Variants in CYP3A4 observed in about 807,000 individuals in gnomAD.
CYP3A4 encodes the protein cytochrome P450 3A4.
CYP3A4 carries 41 observed loss-of-function variants against 54.9 expected under a neutral mutation model. The observed-to-expected ratio is 0.75, with a 90% CI of 0.58 to 0.97. CYP3A4 has a LOEUF of 0.97. Ranked by LOEUF, CYP3A4 falls within the 50% of genes least tolerant of loss-of-function variation. The pLI, the probability that CYP3A4 is intolerant of heterozygous loss-of-function variation, is 0.00. For synonymous variants in CYP3A4, 179 were observed against 205.2 expected, an observed-to-expected ratio of 0.87 and a Z score of 1.09; for missense variants, 510 against 597.3, an observed-to-expected ratio of 0.85 and a Z score of 1.52.
chr7:99,777,939 G>C (rs112161700), intron 3 of CYP3A4, 89 bp downstream of exon 3: 1 of 992,852 alleles, frequency 1.0e-6, no homozygotes, highest in Non-Finnish European at 1.6e-6. Context: ...TTCATCCCAA[G>C]AGGCTTTGGG....
chr7:99,770,963 A>T (rs1010342227), intron 4 of CYP3A4, among the ~76,000 whole-genome samples: 8 of 152,162 alleles, frequency 5.3e-5, no homozygotes, highest in Non-Finnish European at 8.8e-5. Context: ...TAGGGAGAGA[A>T]AATTCCTCAA....
intron 1 of CYP3A4, among the ~76,000 whole-genome samples, chr7:99,781,028 T>C (rs1584551137): frequency 6.6e-6 from 1 of 152,166 alleles, no homozygotes; most frequent in African/African-American, 2.4e-5. Flanking sequence ...TGGGGCCTGG[T>C]AGGAGATGAT....
intron 3 of CYP3A4, among the ~76,000 whole-genome samples, chr7:99,773,401 C>T (rs1271161048): frequency 6.6e-6 from 1 of 152,198 alleles, no homozygotes; most frequent in Non-Finnish European, 1.5e-5. Context: ...ACATTCTTCT[C>T]AGCACCACAT....
At chr7:99,768,026 C>T (rs1047590343) in intron 7 of CYP3A4, among the ~76,000 whole-genome samples, 2 of 152,076 alleles carry the variant, frequency 1.3e-5, no homozygotes, top group African/African-American at 4.8e-5. Flanking sequence ...AATTCATGAA[C>T]TAGAGAATAA....
intron 3 of CYP3A4, among the ~76,000 whole-genome samples, chr7:99,774,013 C>T (rs923363617): frequency 1.3e-5 from 2 of 152,100 alleles, no homozygotes; most frequent in African/African-American, 4.8e-5. Context: ...AAAAGGATAT[C>T]ACCACTGATC....
At position 99,778,148 on chromosome 7, in the gene CYP3A4, A is replaced by T. The variant is rs2151565678; in HGVS notation, c.166-68T>A. 4 of 1,309,500 alleles carry T rather than the reference A, an allele frequency of 3.1e-6. No individual in the cohort carries two copies. In the South Asian group the frequency reaches 3.8e-5, roughly 12 times the overall value. 81.1% of individuals were successfully genotyped at this position (1,309,500 alleles called of 1,614,324 possible). A position where few individuals can be genotyped will look rare whatever the true frequency, so the allele number is the denominator to read the frequency against. ...GTACTTAACCCTGCCTCTAATTGGG[A>T]TGAAAACAGTCGAAGCCAATGAAAT... is the stretch of plus-strand genomic sequence containing the variant. On this transcript the variant is annotated intron_variant, in intron 2 of 12. Coordinates refer to ENST00000651514, the MANE Select transcript of CYP3A4 (RefSeq NM_017460.6).
chr7:99,782,411 G>A (rs1286154784), intron 1 of CYP3A4, among the ~76,000 whole-genome samples: 4 of 152,070 alleles, frequency 2.6e-5, no homozygotes, highest in Non-Finnish European at 4.4e-5. Flanking sequence ...TAATTGTGTT[G>A]GCCTAAGGAG....
chr7:99,762,283 C>T lies in CYP3A4; in HGVS notation c.1027-16G>A. On this transcript the variant is annotated splice_polypyrimidine_tract_variant and intron_variant, in intron 10 of 12. Transcript: ENST00000651514. ...TGGGTGGTGCCTGGAAAGAACGAAA[C>T]AGATTTGGATAAATTGAGATTTTGA... is the stretch of plus-strand genomic sequence containing the variant. 6.2e-7 allele frequency: 1 copy of T among 1,613,272 alleles called. No individual in the cohort carries two copies. The highest frequency in any genetic ancestry group is 8.5e-7 in the Non-Finnish European group (1 of 1,179,532).
At chr7:99,772,825 G>A in intron 3 of CYP3A4, 136 bp from the exon 4 acceptor site, 1 of 871,828 alleles carries the variant, frequency 1.1e-6, no homozygotes, top group South Asian at 1.8e-5. Flanking sequence ...TTAGGTTCTA[G>A]TTCATTAGGT....
intron 12 of CYP3A4, among the ~76,000 whole-genome samples, chr7:99,759,478 C>T (rs1399575344): frequency 1.3e-5 from 2 of 152,162 alleles, no homozygotes; most frequent in African/African-American, 4.8e-5. Context: ...TAAAGGTTCA[C>T]ATTAAATAGC....
At chr7:99,770,653 T>G (rs1815609114) in intron 4 of CYP3A4, among the ~76,000 whole-genome samples, 1 of 152,166 alleles carries the variant, frequency 6.6e-6, no homozygotes, top group Non-Finnish European at 1.5e-5. Flanking sequence ...GCTGTCTTTA[T>G]GTTCTCCTGC....
chr7:99,773,796 C>G (rs1308912569), intron 3 of CYP3A4, among the ~76,000 whole-genome samples: 1 of 151,974 alleles, frequency 6.6e-6, no homozygotes, highest in African/African-American at 2.4e-5. Flanking sequence ...ACTAGAGAAG[C>G]AAGAGTAAAC....
chr7:99,781,241 A>T (rs1815917206), intron 1 of CYP3A4, among the ~76,000 whole-genome samples: 1 of 152,156 alleles, frequency 6.6e-6, no homozygotes, highest in African/African-American at 2.4e-5. Context: ...AGACCTCCCT[A>T]GAGGAAGAAG....
In CYP3A4 at chr7:99,761,059, A is replaced by C. The variant is rs542714708; in HGVS notation, c.1254-78T>G. 39 of 1,507,764 alleles carry C rather than the reference A, an allele frequency of 2.6e-5. No individual in the cohort carries two copies. In the African/African-American group the frequency reaches 4.6e-4, roughly 18 times the overall value. The allele number at this position is 1,507,764 out of a possible 1,614,324, so 93.4% of individuals were successfully genotyped here. The stretch of plus-strand genomic sequence containing the variant: ...AGTTACATGTTAGGGTTTCTTACTT[A>C]GGGGCCACCCCTCAACTAGTAGTAC... On this transcript the variant is annotated intron_variant, in intron 11 of 12. Coordinates refer to ENST00000651514, the MANE Select transcript of CYP3A4 (RefSeq NM_017460.6).
At chr7:99,780,565 G>T (rs1452433603) in intron 1 of CYP3A4, among the ~76,000 whole-genome samples, 1 of 152,162 alleles carries the variant, frequency 6.6e-6, no homozygotes, top group East Asian at 1.9e-4. Flanking sequence ...AGCCTATGGT[G>T]ACCCTGTCTT....
At chr7:99,777,247 C>T (rs1219406950) in intron 3 of CYP3A4, among the ~76,000 whole-genome samples, 1 of 150,966 alleles carries the variant, frequency 6.6e-6, no homozygotes, top group Non-Finnish European at 1.5e-5. Context: ...TAAAAGGGCA[C>T]CTAAGGAAAA....
intron 9 of CYP3A4, among the ~76,000 whole-genome samples, chr7:99,765,441 T>C (rs1228432515): frequency 6.6e-6 from 1 of 152,054 alleles, no homozygotes; most frequent in Non-Finnish European, 1.5e-5. Flanking sequence ...AGATGATAGA[T>C]GGATAAATGA....
chr7:99,782,344 A>G (rs1815946780), intron 1 of CYP3A4, among the ~76,000 whole-genome samples: 1 of 152,100 alleles, frequency 6.6e-6, no homozygotes, highest in Admixed American at 6.6e-5. Context: ...TGGTAGAGTA[A>G]TGCTGCTTTT....
At chr7:99,770,910 A>G (rs1489908496) in intron 4 of CYP3A4, among the ~76,000 whole-genome samples, 3 of 152,104 alleles carry the variant, frequency 2.0e-5, no homozygotes, top group African/African-American at 4.8e-5. Flanking sequence ...TTTTTTTATA[A>G]TGAGTACTTC....
Sources: gnomAD v4.1 joint callset for allele counts (sites outside exome capture counted in the v4.1 genomes callset) on GRCh38, gnomAD v4.1.1 for gene constraint, MANE v1.5 for transcripts, NCBI Gene and HGNC (gene_info 2026-07-23, HGNC 2026-07-21) for gene names.